Variants in NBAS observed in about 807,000 individuals in gnomAD.
NBAS encodes NBAS subunit of NRZ tethering complex.
Under a neutral mutation model 302.5 loss-of-function variants are expected in NBAS, and 219 were observed. That is an observed-to-expected ratio of 0.72 (90% CI 0.65 to 0.81). NBAS has a LOEUF of 0.81. Ranked by LOEUF, NBAS falls within the 30% of genes least tolerant of loss-of-function variation. The pLI is 0.00. For missense variants in NBAS, 2,932 were observed against 2,841.6 expected, an observed-to-expected ratio of 1.03 and a Z score of -0.72; for synonymous variants, 1,118 against 1,021.6, an observed-to-expected ratio of 1.09 and a Z score of -1.80.
At chr2:14,833,320 G>A in the NBAS span, among the ~76,000 whole-genome samples, 1 of 152,048 alleles carries the variant, frequency 6.6e-6, no homozygotes, top group African/African-American at 2.4e-5. Context: ...GGGTTGGGGG[G>A]TTCCAAGTTA....
At chr2:15,103,162 C>A in the NBAS span, among the ~76,000 whole-genome samples, 1 of 152,118 alleles carries the variant, frequency 6.6e-6, no homozygotes, top group African/African-American at 2.4e-5. Context: ...TCCAATACAA[C>A]CATGTTTTTA....
intron 44 of NBAS, among the ~76,000 whole-genome samples, chr2:15,274,400 T>C (rs1669472715): frequency 6.6e-6 from 1 of 152,164 alleles, no homozygotes; most frequent in African/African-American, 2.4e-5. Context: ...ACCTGGTGAC[T>C]TGCACGGAAG....
chr2:15,478,200 C>T, intron 13 of NBAS, 26 bp downstream of exon 13: 3 of 1,484,096 alleles, frequency 2.0e-6, no homozygotes, highest in Non-Finnish European at 2.8e-6. Flanking sequence ...ATTAAGGTTT[C>T]AATTATCACA....
At chr2:15,257,180 C>CT (rs958224999) in intron 44 of NBAS, among the ~76,000 whole-genome samples, 5 of 151,836 alleles carry the variant, frequency 3.3e-5, no homozygotes, top group African/African-American at 1.2e-4. Flanking sequence ...TGGTCTTGGA[C>CT]TTTTTTGGTT....
At chr2:14,816,490 C>A in the NBAS span, among the ~76,000 whole-genome samples, 2 of 152,200 alleles carry the variant, frequency 1.3e-5, no homozygotes, top group Non-Finnish European at 2.9e-5. Flanking sequence ...TTGGAGACTG[C>A]TGGCTTAGAA....
intron 26 of NBAS, 69 bp downstream of exon 26, chr2:15,402,099 A>T: frequency 6.4e-7 from 1 of 1,569,888 alleles, no homozygotes; most frequent in Non-Finnish European, 8.8e-7. Context: ...GCATTTGGGG[A>T]AGCAACGTTT....
chr2:14,835,703 T>C, the NBAS span, among the ~76,000 whole-genome samples: 1 of 151,310 alleles, frequency 6.6e-6, no homozygotes, highest in Non-Finnish European at 1.5e-5. Context: ...CACTAGAATA[T>C]AGTATTCACA....
intron 32 of NBAS, among the ~76,000 whole-genome samples, chr2:15,362,823 C>T (rs927371699): frequency 7.9e-5 from 12 of 152,064 alleles, no homozygotes; most frequent in East Asian, 7.7e-4. Context: ...TAATTAAATA[C>T]GGTACTCTGT....
rs776082402 is a variant in NBAS, at chr2:15,275,666, T to G, written c.5542A>C (p.Thr1848Pro). ...GQMLSPSSLY[T>P]IWLQKLFWTG... ...CAGAACAACTTCTGTAACCAGATGG[T>G]GTACAGAGAGCTTGGGGAAAGCATC... Residue 1848 changes from threonine (T) to proline (P), a missense_variant, in exon 44 of 52, where the codon ACC becomes CCC. Coordinates refer to ENST00000281513, the MANE Select transcript of NBAS (RefSeq NM_015909.4). 6.2e-7 allele frequency: 1 copy of G among 1,614,202 alleles called. No homozygotes were observed. Among genetic ancestry groups the G allele is most frequent in the South Asian group, 1.1e-5 (1 of 91,084 alleles).
rs534158870 is a variant in NBAS at position 15,418,902 on chromosome 2, T to C, written c.2578-1190A>G. On this transcript the variant is annotated intron_variant, in intron 23 of 51. Coordinates refer to ENST00000281513, the MANE Select transcript of NBAS (RefSeq NM_015909.4). ...ATCAGGAAGGCAGAGGATTTCTGAATGAGACATGTCACAAATAGAGCTACA... is the reference window on the plus strand; with the variant it reads ...ATCAGGAAGGCAGAGGATTTCTGAACGAGACATGTCACAAATAGAGCTACA... Among the ~76,000 whole-genome samples the C allele has an allele frequency of 2.6e-5, 4 of 152,308 alleles. No homozygotes were observed. The East Asian group carries it at 7.7e-4, about 29-fold the overall frequency.
intron 19 of NBAS, among the ~76,000 whole-genome samples, chr2:15,463,526 T>C (rs142064927): frequency 0.012 from 1,832 of 152,218 alleles, 19 homozygotes; most frequent in Non-Finnish European, 0.016. Context: ...TTGTTCACTT[T>C]CCATTTCCCC....
the NBAS span, among the ~76,000 whole-genome samples, chr2:14,947,810 G>GT: frequency 2.4e-4 from 36 of 150,862 alleles, no homozygotes; most frequent in East Asian, 3.7e-3. Context: ...GTTTCATGAG[G>GT]TTTTTTTTTA....
At chr2:15,077,689 T>TC in the NBAS span, among the ~76,000 whole-genome samples, 1 of 149,848 alleles carries the variant, frequency 6.7e-6, no homozygotes, top group South Asian at 2.1e-4. Flanking sequence ...TCTTTTTTTT[T>TC]CTTTTTTTTT....
At chr2:15,425,203 G>T (rs1386773289) in intron 22 of NBAS, among the ~76,000 whole-genome samples, 1 of 152,108 alleles carries the variant, frequency 6.6e-6, no homozygotes, top group African/African-American at 2.4e-5. Context: ...ATGGGCATAT[G>T]TAAAAATGCT....
chr2:15,469,520 A>G (rs1679866166), intron 16 of NBAS, among the ~76,000 whole-genome samples: 1 of 152,278 alleles, frequency 6.6e-6, no homozygotes, highest in East Asian at 1.9e-4. Context: ...TCTTCCTACT[A>G]TAAAGACATA....
the NBAS span, among the ~76,000 whole-genome samples, chr2:14,936,863 T>C: frequency 2.3e-4 from 35 of 152,100 alleles, no homozygotes; most frequent in Non-Finnish European, 4.1e-4. Flanking sequence ...CCAAGAAGTG[T>C]GGGAAGCCCT....
At chr2:15,400,789 G>A (rs1481080378) in intron 26 of NBAS, among the ~76,000 whole-genome samples, 1 of 151,968 alleles carries the variant, frequency 6.6e-6, no homozygotes, top group Non-Finnish European at 1.5e-5. Context: ...GCCTCCCCAC[G>A]GCCCCACATT....
chr2:14,809,536 C>A, the NBAS span, among the ~76,000 whole-genome samples: 2 of 152,196 alleles, frequency 1.3e-5, no homozygotes, highest in Non-Finnish European at 1.5e-5. Flanking sequence ...TTGGCAACCT[C>A]CCCCTAGATT....
the NBAS span, among the ~76,000 whole-genome samples, chr2:14,925,575 C>T: frequency 6.6e-6 from 1 of 152,192 alleles, no homozygotes; most frequent in Non-Finnish European, 1.5e-5. Context: ...TGCATTTTGG[C>T]TCATGCATCC....
Sources: allele counts gnomAD v4.1 joint callset (sites outside exome capture counted in the v4.1 genomes callset), GRCh38; gene constraint gnomAD v4.1.1; transcripts MANE v1.5; gene names NCBI Gene and HGNC (gene_info 2026-07-23, HGNC 2026-07-21).